The following SOX5 variants were observed in gnomAD, a reference collection of about 807,000 sequenced individuals.
SOX5 encodes the protein transcription factor SOX-5.
In SOX5, 9 loss-of-function variants were observed where a neutral mutation model predicts 92.0. That is an observed-to-expected ratio of 0.10 (90% CI 0.06 to 0.17). SOX5 has a LOEUF of 0.17. Ranked by LOEUF, SOX5 falls within the 10% of genes least tolerant of loss-of-function variation. The pLI is 1.00. For synonymous variants in SOX5, 344 were observed against 336.3 expected (o/e 1.02, Z -0.25); for missense variants, 642 against 944.5 (o/e 0.68, Z 4.20).
chr12:23,635,108 C>T (rs1195580823), intron 8 of SOX5, among the ~76,000 whole-genome samples: 1 of 152,096 alleles, frequency 6.6e-6, no homozygotes. Flanking sequence ...TCTCAGAACA[C>T]GCGGGAACTA....
In SOX5 at chr12:23,990,421, T is replaced by A. The variant is rs562788225; in HGVS notation, c.-1-94397A>T. ...GGCATGTTTCTCACCATATTTCCCA[T>A]AACTCCCTCGCAATACAATTACTTG... On this transcript the variant is annotated intron_variant, in intron 4 of 4. Transcript: ENST00000446891. Among the ~76,000 whole-genome samples the A allele has an allele frequency of 5.3e-5, 8 of 152,312 alleles. No individual in the cohort carries two copies. The East Asian group carries it at 9.6e-4, about 18-fold the overall frequency.
intron 4 of SOX5, among the ~76,000 whole-genome samples, chr12:24,009,570 A>C (rs1952680838): frequency 6.6e-6 from 1 of 152,122 alleles, no homozygotes; most frequent in Admixed American, 6.6e-5. Context: ...TTGGAGTGAC[A>C]GGCTCTATTT....
At chr12:23,790,548 T>TCACACACACACA (rs941547453) in intron 3 of SOX5, among the ~76,000 whole-genome samples, 1 of 137,322 alleles carries the variant, frequency 7.3e-6, no homozygotes, top group African/African-American at 2.8e-5. Context: ...TCTCAATCTC[T>TCACACACACACA]CACACACACA....
chr12:24,118,652 T>C (rs1054066388), intron 4 of SOX5, among the ~76,000 whole-genome samples: 2 of 152,238 alleles, frequency 1.3e-5, no homozygotes, highest in Non-Finnish European at 1.5e-5. Context: ...AATTCATCTG[T>C]AGATGAAAGC....
intron 6 of SOX5, among the ~76,000 whole-genome samples, chr12:23,686,947 T>G (rs1176288971): frequency 6.6e-6 from 1 of 152,076 alleles, no homozygotes. Context: ...CAGTCTTTAT[T>G]TAAGAAAAAC....
rs531962993 is a variant in SOX5, at chr12:24,416,512, C to T, written c.-250-47873G>A. ...AAAAGCAAAGACGTGGGTAAGGAAA[C>T]GTGGTGACTGAAATACAGCCTTAGG... On this transcript the variant is annotated intron_variant, in intron 1 of 4. Coordinates refer to the SOX5 transcript ENST00000446891. 1.2e-4 allele frequency among the ~76,000 whole-genome samples: 18 copies of T among 152,300 alleles called. 1 individual carries two copies. The South Asian group carries it at 3.1e-3, about 26-fold the overall frequency.
intron 6 of SOX5, among the ~76,000 whole-genome samples, chr12:23,701,780 A>C (rs1450993655): frequency 6.6e-6 from 1 of 152,060 alleles, no homozygotes; most frequent in Non-Finnish European, 1.5e-5. Context: ...AGATCCCACC[A>C]AACATTGTCA....
chr12:24,423,004 G>A (rs1966165227), intron 1 of SOX5, among the ~76,000 whole-genome samples: 1 of 152,148 alleles, frequency 6.6e-6, no homozygotes, highest in Non-Finnish European at 1.5e-5. Context: ...GAGTGAGACT[G>A]TCTCAAAACA....
chr12:23,672,258 T>C (rs932819969), intron 6 of SOX5, among the ~76,000 whole-genome samples: 1 of 152,060 alleles, frequency 6.6e-6, no homozygotes, highest in Non-Finnish European at 1.5e-5. Context: ...ATGAAACCTG[T>C]CAGTGCCAAG....
intron 2 of SOX5, among the ~76,000 whole-genome samples, chr12:24,348,555 G>A (rs1953648657): frequency 6.6e-6 from 1 of 151,918 alleles, no homozygotes; most frequent in South Asian, 2.1e-4. Context: ...GCTAATTTTT[G>A]TACTTTTAGT....
intron 1 of SOX5, among the ~76,000 whole-genome samples, chr12:24,510,765 T>C (rs543206701): frequency 1.3e-5 from 2 of 152,356 alleles, no homozygotes; most frequent in East Asian, 3.9e-4. Context: ...AGGGAACGCA[T>C]GCCAGATACC....
intron 6 of SOX5, among the ~76,000 whole-genome samples, chr12:23,710,092 G>C (rs1429185431): frequency 1.3e-5 from 2 of 152,018 alleles, no homozygotes; most frequent in Non-Finnish European, 2.9e-5. Flanking sequence ...TTTATTATGG[G>C]ATAATAGGTT....
intron 8 of SOX5, among the ~76,000 whole-genome samples, chr12:23,636,666 G>GC (rs1208405180): frequency 3.7e-4 from 56 of 152,178 alleles, no homozygotes; most frequent in Non-Finnish European, 7.9e-4. Flanking sequence ...AGAAAATTCA[G>GC]AGTCCGAAGT....
intron 3 of SOX5, among the ~76,000 whole-genome samples, chr12:23,787,628 T>G (rs549396217): frequency 1.3e-5 from 2 of 152,060 alleles, no homozygotes; most frequent in Admixed American, 1.3e-4. Context: ...AAATTTAAAG[T>G]CTTCAGTAAG....
chr12:24,112,220 A>G (rs188003267), intron 4 of SOX5, among the ~76,000 whole-genome samples: 1 of 152,358 alleles, frequency 6.6e-6, no homozygotes, highest in African/African-American at 2.4e-5. Context: ...GAGAATCTCA[A>G]AGACCAGGGT....
chr12:24,000,523 T>C (rs1320927194), intron 4 of SOX5, among the ~76,000 whole-genome samples: 1 of 152,248 alleles, frequency 6.6e-6, no homozygotes, highest in South Asian at 2.1e-4. Context: ...TTGTAATCTC[T>C]ACAACACCAC....
chr12:23,719,347 G>A (rs1439870297), intron 6 of SOX5, among the ~76,000 whole-genome samples: 1 of 152,112 alleles, frequency 6.6e-6, no homozygotes. Flanking sequence ...ATTTAATAAT[G>A]ATAGTATTGT....
At chr12:23,672,465 A>T (rs962956334) in intron 6 of SOX5, among the ~76,000 whole-genome samples, 1 of 152,104 alleles carries the variant, frequency 6.6e-6, no homozygotes, top group Admixed American at 6.6e-5. Flanking sequence ...CCTGGGCCCT[A>T]TGAGTTTATA....
intron 1 of SOX5, among the ~76,000 whole-genome samples, chr12:23,901,637 C>T (rs1362242908): frequency 6.6e-6 from 1 of 152,116 alleles, no homozygotes. Context: ...CCATTTTGTT[C>T]GCAGCCTTTA....
Sources: gnomAD v4.1 joint callset for allele counts (sites outside exome capture counted in the v4.1 genomes callset) on GRCh38, gnomAD v4.1.1 for gene constraint, MANE v1.5 for transcripts, NCBI Gene and HGNC (gene_info 2026-07-23, HGNC 2026-07-21) for gene names.